Variants in FMN2 observed in about 807,000 individuals in gnomAD.
FMN2 encodes formin-2.
FMN2 carries 51 observed loss-of-function variants against 142.3 expected under a neutral mutation model. That is an observed-to-expected ratio of 0.36 (90% CI 0.29 to 0.45). FMN2 has a LOEUF of 0.45. Ranked by LOEUF, FMN2 falls within the 20% of genes least tolerant of loss-of-function variation. FMN2 has a pLI of 1.00. For missense variants in FMN2, 1,936 were observed against 2,122.8 expected, an observed-to-expected ratio of 0.91 and a Z score of 1.73; for synonymous variants, 882 against 869.8, an observed-to-expected ratio of 1.01 and a Z score of -0.25.
chr1:240,132,197 T>C (rs1234998633), intron 2 of FMN2, among the ~76,000 whole-genome samples: 1 of 152,212 alleles, frequency 6.6e-6, no homozygotes, highest in Non-Finnish European at 1.5e-5. Flanking sequence ...CATTCTCTTT[T>C]GACATCTAGA....
rs144509064 is a variant in FMN2 at position 240,429,512 on chromosome 1, G to A, written c.4911-8549G>A. ...AACATTAAAAATGCACAAATCTTAA[G>A]TGTTCCTTTCAGTGGTTTCTTTTAA... is the stretch of plus-strand genomic sequence containing the variant. On this transcript the variant is annotated intron_variant, in intron 15 of 17. Coordinates refer to ENST00000319653, the MANE Select transcript of FMN2 (RefSeq NM_020066.5). Among the ~76,000 whole-genome samples the A allele has an allele frequency of 1.4e-3, 215 of 152,152 alleles. 2 individuals carry two copies. The highest frequency in any genetic ancestry group is 4.9e-3 in the African/African-American group (202 of 41,512).
At chr1:240,346,751 G>A (rs1236554050) in intron 13 of FMN2, among the ~76,000 whole-genome samples, 1 of 83,538 alleles carries the variant, frequency 1.2e-5, no homozygotes, top group South Asian at 3.2e-4. Flanking sequence ...TTGAATTTGA[G>A]TTGATATTTA....
At chr1:240,253,278 A>G (rs1668344257) in intron 6 of FMN2, among the ~76,000 whole-genome samples, 1 of 84,396 alleles carries the variant, frequency 1.2e-5, no homozygotes, top group Non-Finnish European at 2.4e-5. Flanking sequence ...CTGTTCATTC[A>G]TTTTTATTCT....
At chr1:240,280,419 G>GA (rs2102937189) in intron 7 of FMN2, among the ~76,000 whole-genome samples, 1 of 152,212 alleles carries the variant, frequency 6.6e-6, no homozygotes, top group Admixed American at 6.5e-5. Flanking sequence ...TTAGATTTCT[G>GA]ATAGATTCTG....
At chr1:240,404,537 A>G (rs116546788) in intron 15 of FMN2, among the ~76,000 whole-genome samples, 189 of 152,310 alleles carry the variant, frequency 1.2e-3, no homozygotes, top group Non-Finnish European at 2.4e-3. Flanking sequence ...TTATTTCCCA[A>G]TTTGGATTTC....
At chr1:240,409,294 A>C (rs1310770443) in intron 15 of FMN2, among the ~76,000 whole-genome samples, 1 of 152,010 alleles carries the variant, frequency 6.6e-6, no homozygotes, top group African/African-American at 2.4e-5. Flanking sequence ...GGCGTACACC[A>C]CCACGCCCAG....
At position 240,208,517 on chromosome 1, in the gene FMN2, C is replaced by A; in HGVS notation, c.3705C>A (p.Pro1235=). The change falls in exon 5 of 18, where the codon CCC becomes CCA. Residue 1235 remains proline, a synonymous_variant. Transcript: ENST00000319653. ...CACCTGGGACAGGAATCCCACCGCC[C>A]CCTCTGCTTCCTGTATCAGGCCCTC... The part of the protein sequence containing the change: ...LPPPGTGIPP[P]PLLPVSGPPL... 1 of 1,612,764 alleles carries A rather than the reference C, an allele frequency of 6.2e-7. No individual in the cohort carries two copies. The highest frequency in any genetic ancestry group is 1.1e-5 in the South Asian group (1 of 90,980).
chr1:240,253,859 T>TACAGTCA, intron 6 of FMN2, among the ~76,000 whole-genome samples: 1 of 152,238 alleles, frequency 6.6e-6, no homozygotes, highest in Non-Finnish European at 1.5e-5. Context: ...TTTTTTCATC[T>TACAGTCA]GTAAGTGTCA....
intron 3 of FMN2, among the ~76,000 whole-genome samples, chr1:240,180,668 G>A (rs1665114348): frequency 6.7e-6 from 1 of 149,338 alleles, no homozygotes; most frequent in African/African-American, 2.5e-5. Flanking sequence ...CTGAGTTCAA[G>A]TGATTCTCCT....
intron 2 of FMN2, among the ~76,000 whole-genome samples, chr1:240,165,549 T>C (rs539653980): frequency 5.9e-5 from 9 of 152,210 alleles, no homozygotes; most frequent in Non-Finnish European, 1.3e-4. Context: ...CTGATAACAA[T>C]CTAGGATCCC....
At chr1:240,179,496 G>A (rs529399626) in intron 3 of FMN2, 1 of 138,290 alleles carries the variant, frequency 7.2e-6, no homozygotes, top group East Asian at 2.1e-4. Context: ...CAACAAATGA[G>A]AGAGAGGGTG....
chr1:240,280,170 G>A (rs1669350474), intron 7 of FMN2, among the ~76,000 whole-genome samples: 1 of 151,890 alleles, frequency 6.6e-6, no homozygotes, highest in African/African-American at 2.4e-5. Flanking sequence ...CCCTACCTCA[G>A]CATGTCTGCC....
At chr1:240,116,277 A>G (rs1327197978) in intron 1 of FMN2, among the ~76,000 whole-genome samples, 5 of 151,686 alleles carry the variant, frequency 3.3e-5, no homozygotes, top group South Asian at 2.1e-4. Context: ...CCGTCCAGGT[A>G]TGGGGCCCCT....
chr1:240,278,501 C>T (rs758130021), intron 7 of FMN2, among the ~76,000 whole-genome samples: 16 of 152,172 alleles, frequency 1.1e-4, no homozygotes, highest in Middle Eastern at 6.8e-3. Context: ...TTTGTGGTAG[C>T]CTGGCAGGTG....
intron 1 of FMN2, among the ~76,000 whole-genome samples, chr1:240,103,568 C>T (rs1187165691): frequency 6.6e-6 from 1 of 152,240 alleles, no homozygotes; most frequent in African/African-American, 2.4e-5. Flanking sequence ...CCTTCTCATA[C>T]TTCACACCCA....
At chr1:240,448,458 T>C (rs1043829344) in intron 16 of FMN2, among the ~76,000 whole-genome samples, 1 of 152,206 alleles carries the variant, frequency 6.6e-6, no homozygotes, top group African/African-American at 2.4e-5. Flanking sequence ...GGAAGAGTCC[T>C]ATTATTCAAG....
At chr1:240,414,590 C>T (rs546953946) in intron 15 of FMN2, among the ~76,000 whole-genome samples, 8 of 152,126 alleles carry the variant, frequency 5.3e-5, no homozygotes, top group African/African-American at 1.7e-4. Flanking sequence ...TTTTTCTTAT[C>T]GTGTTTCTGC....
At chr1:240,128,796 A>G (rs1354937148) in intron 2 of FMN2, among the ~76,000 whole-genome samples, 1 of 152,240 alleles carries the variant, frequency 6.6e-6, no homozygotes, top group Non-Finnish European at 1.5e-5. Context: ...AACTAATGAA[A>G]TATGCTCTAC....
chr1:240,333,569 C>T (rs1017437523), intron 11 of FMN2, among the ~76,000 whole-genome samples: 2 of 151,864 alleles, frequency 1.3e-5, no homozygotes, highest in African/African-American at 2.4e-5. Context: ...CAAACAAAAA[C>T]AATAAAAACA....
Sources: allele counts gnomAD v4.1 joint callset (sites outside exome capture counted in the v4.1 genomes callset), GRCh38; gene constraint gnomAD v4.1.1; transcripts MANE v1.5; gene names NCBI Gene and HGNC (gene_info 2026-07-23, HGNC 2026-07-21).